Variants in DGKB observed in about 807,000 individuals in gnomAD.
The protein encoded by DGKB is 90 kDa diacylglycerol kinase.
A neutral mutation model predicts 114.3 loss-of-function variants in DGKB; 67 were observed. The ratio of observed to expected loss-of-function variants is 0.59; its 90% CI spans 0.48 to 0.72. The LOEUF is 0.72. Ranked by LOEUF, DGKB falls within the 30% of genes least tolerant of loss-of-function variation. The pLI is 0.00. For missense variants in DGKB, 907 were observed against 975.2 expected (o/e 0.93, Z 0.93); for synonymous variants, 398 against 323.1 (o/e 1.23, Z -2.49).
At chr7:14,164,553 G>A in intron 25 of DGKB, among the ~76,000 whole-genome samples, 1 of 152,176 alleles carries the variant, frequency 6.6e-6, no homozygotes, top group Non-Finnish European at 1.5e-5. Context: ...ATCTATTCTA[G>A]ATGAGTTTTA....
intron 25 of DGKB, among the ~76,000 whole-genome samples, chr7:14,171,894 C>T (rs879727915): frequency 6.6e-5 from 10 of 152,176 alleles, no homozygotes; most frequent in Non-Finnish European, 1.3e-4. Flanking sequence ...CCAAGATGAT[C>T]CAAATCATGG....
At chr7:14,846,900 C>T (rs1012804510) in intron 1 of DGKB, among the ~76,000 whole-genome samples, 7 of 152,074 alleles carry the variant, frequency 4.6e-5, no homozygotes, top group Non-Finnish European at 7.4e-5. Flanking sequence ...TTGGGTTGGA[C>T]GCATCATCTG....
chr7:14,808,398 CA>C (rs1407008600), intron 2 of DGKB, among the ~76,000 whole-genome samples: 2 of 151,984 alleles, frequency 1.3e-5, no homozygotes, highest in African/African-American at 4.8e-5. Flanking sequence ...CCAAACTATT[CA>C]AAAATCACAC....
At chr7:14,663,482 G>T (rs920845960) in intron 13 of DGKB, among the ~76,000 whole-genome samples, 1 of 151,884 alleles carries the variant, frequency 6.6e-6, no homozygotes, top group Non-Finnish European at 1.5e-5. Flanking sequence ...GGATGGAAAC[G>T]ACTTGCCCAC....
intron 1 of DGKB, among the ~76,000 whole-genome samples, chr7:14,958,475 A>ACACACACACACC (rs1373524055): frequency 3.5e-5 from 5 of 144,382 alleles, no homozygotes; most frequent in African/African-American, 1.3e-4. Flanking sequence ...ACACACACAC[A>ACACACACACACC]CCCCGTCCAG....
intron 1 of DGKB, among the ~76,000 whole-genome samples, chr7:14,846,827 T>C (rs549140752): frequency 6.6e-6 from 1 of 152,292 alleles, no homozygotes; most frequent in East Asian, 1.9e-4. Flanking sequence ...ATCCCTATAA[T>C]TAGGCGAGAA....
chr7:14,876,282 T>G (rs1330680875), intron 1 of DGKB, among the ~76,000 whole-genome samples: 1 of 152,172 alleles, frequency 6.6e-6, no homozygotes, highest in Non-Finnish European at 1.5e-5. Context: ...CTACATGTAA[T>G]TAAAGGAGAT....
chr7:14,637,306 A>G (rs180924949), intron 13 of DGKB, among the ~76,000 whole-genome samples: 1 of 151,954 alleles, frequency 6.6e-6, no homozygotes, highest in Non-Finnish European at 1.5e-5. Context: ...TTAGATACAG[A>G]AAAAGGTTTT....
intron 1 of DGKB, among the ~76,000 whole-genome samples, chr7:14,929,899 T>C (rs1231660702): frequency 6.6e-6 from 1 of 152,338 alleles, no homozygotes; most frequent in Non-Finnish European, 1.5e-5. Context: ...GATTTTTGTA[T>C]ATGTTGAGAG....
chr7:14,189,529 T>C (rs1186182556), intron 23 of DGKB, among the ~76,000 whole-genome samples: 1 of 151,840 alleles, frequency 6.6e-6, no homozygotes, highest in Non-Finnish European at 1.5e-5. Context: ...GAAAAAATAA[T>C]GAACAAAATG....
chr7:14,281,024 T>C (rs1799862797), intron 23 of DGKB, among the ~76,000 whole-genome samples: 1 of 150,120 alleles, frequency 6.7e-6, no homozygotes. Context: ...TAACTTTAAA[T>C]GTAAATGGAC....
intron 1 of DGKB, among the ~76,000 whole-genome samples, chr7:14,848,380 G>T (rs1231210786): frequency 6.6e-6 from 1 of 152,162 alleles, no homozygotes; most frequent in Non-Finnish European, 1.5e-5. Flanking sequence ...AACCAGGATT[G>T]ATGAGAACAG....
chr7:14,815,135 T>C (rs1015227021), intron 2 of DGKB: 3 of 152,234 alleles, frequency 2.0e-5, no homozygotes, highest in Non-Finnish European at 2.9e-5. Context: ...TTTATGTTTA[T>C]TGAAGTCTCC....
rs769633594 is a variant in DGKB at position 14,178,076 on chromosome 7, T to C, written c.2198A>G (p.Lys733Arg). ...MEMGQIYTGL[K>R]SAGRRLAQCS... ...CTGAGCCAGCCGCCGGCCAGCACTTTTCAGGCCTGTGTATATTTGCCCCAT... is the reference window on the plus strand; with the variant it reads ...CTGAGCCAGCCGCCGGCCAGCACTTCTCAGGCCTGTGTATATTTGCCCCAT... The change falls in exon 24 of 26, where the codon AAA becomes AGA. Residue 733 changes from lysine to arginine, a missense_variant. Physicochemically the swap from Lys to Arg is conservative, Grantham distance 26. Coordinates refer to ENST00000402815, the MANE Select transcript of DGKB (RefSeq NM_001350709.2). 2.5e-6 allele frequency: 4 copies of C among 1,609,588 alleles called. 1 individual carries two copies. The highest frequency in any genetic ancestry group is 2.2e-5 in the South Asian group (2 of 90,422).
In DGKB at chr7:14,829,529, G is replaced by A. The variant is rs1331827904; in HGVS notation, c.70+11665C>T. ...TCATGTTTTGCGAAATGTAGACTCA[G>A]GAACAGTGGAGCAATATGCAATTCT... On this transcript the variant is annotated intron_variant, in intron 2 of 25. Transcript: ENST00000402815. Among the ~76,000 whole-genome samples the A allele has an allele frequency of 3.9e-5, 6 of 152,112 alleles. No homozygotes were observed. The East Asian group carries it at 1.2e-3, about 29-fold the overall frequency.
chr7:14,885,773 C>G (rs1437403770), intron 1 of DGKB, among the ~76,000 whole-genome samples: 1 of 151,842 alleles, frequency 6.6e-6, no homozygotes. Context: ...ATTTGAAAAA[C>G]TGAACATTGT....
At chr7:14,908,485 A>G (rs1464334753) in intron 1 of DGKB, among the ~76,000 whole-genome samples, 1 of 152,212 alleles carries the variant, frequency 6.6e-6, no homozygotes, top group Non-Finnish European at 1.5e-5. Context: ...ACCTCCATCT[A>G]ATAGCTAAAT....
intron 1 of DGKB, among the ~76,000 whole-genome samples, chr7:14,940,086 A>C (rs1305133384): frequency 6.6e-6 from 1 of 152,192 alleles, no homozygotes; most frequent in African/African-American, 2.4e-5. Context: ...CAGTCTCCAC[A>C]CTAAGCCTCA....
intron 1 of DGKB, among the ~76,000 whole-genome samples, chr7:14,914,366 A>G (rs991567655): frequency 1.3e-5 from 2 of 152,212 alleles, no homozygotes; most frequent in Non-Finnish European, 2.9e-5. Context: ...AACTTCATCA[A>G]CAGGGCTTAC....
Sources: gnomAD v4.1 joint callset for allele counts (sites outside exome capture counted in the v4.1 genomes callset) on GRCh38, gnomAD v4.1.1 for gene constraint, MANE v1.5 for transcripts, NCBI Gene and HGNC (gene_info 2026-07-23, HGNC 2026-07-21) for gene names.